Variants in SRP72 observed in about 807,000 individuals in gnomAD.
The protein encoded by SRP72 is signal recognition particle 72.
In SRP72, 49 loss-of-function variants were observed where a neutral mutation model predicts 96.3. The observed-to-expected ratio is 0.51, with a 90% CI of 0.40 to 0.65. The LOEUF (loss-of-function observed/expected upper bound fraction) is 0.65, where lower values mean the gene tolerates loss of function less well. Among genes scored for constraint, SRP72 ranks in the 30% least tolerant of loss-of-function variants. The probability of loss-of-function intolerance (pLI) is 0.00; values close to 1 mark genes in which losing one functional copy is unlikely to be tolerated. For missense variants in SRP72, 736 were observed against 793.3 expected (o/e 0.93, Z 0.87); for synonymous variants, 267 against 275.2 (o/e 0.97, Z 0.30).
At position 56,469,863 on chromosome 4, in the gene SRP72, A is replaced by AT. The variant is rs1007300003; in HGVS notation, c.230+98dup. 241 of 1,244,372 alleles carry AT rather than the reference A, an allele frequency of 1.9e-4. No homozygotes were observed. In the East Asian group the frequency reaches 3.1e-3, roughly 16 times the overall value. The allele number at this position is 1,244,372 out of a possible 1,614,324, so 77.1% of individuals were successfully genotyped here. A position where few individuals can be genotyped will look rare whatever the true frequency, so the allele number is the denominator to read the frequency against. On this transcript the variant is annotated intron_variant, in intron 2 of 18. Coordinates refer to ENST00000642900, the MANE Select transcript of SRP72 (RefSeq NM_006947.4). ...CATGTTTTTTCCCAACTATTTGCTGATTTTTTTTAACGTTTTTTTCCTTCC... is the reference window on the plus strand; with the variant it reads ...CATGTTTTTTCCCAACTATTTGCTGATTTTTTTTTAACGTTTTTTTCCTTCC...
intron 17 of SRP72, among the ~76,000 whole-genome samples, chr4:56,496,590 TA>T (rs989858138): frequency 6.6e-6 from 1 of 152,242 alleles, no homozygotes; most frequent in African/African-American, 2.4e-5. Flanking sequence ...TCCAGATGAA[TA>T]TTTTTTTAAA....
rs368800329 is a variant in SRP72, at chr4:56,478,153, TC to T, written c.643-225del. Among the ~76,000 whole-genome samples the T allele has an allele frequency of 0.072, 10,654 of 148,314 alleles. 344 individuals are homozygous for T. Among genetic ancestry groups the T allele is most frequent in the Admixed American group, 0.11 (1,652 of 14,688 alleles). On this transcript the variant is annotated intron_variant, in intron 6 of 18. Transcript: ENST00000642900. Reference sequence around the variant, plus strand: ...GTTCTTCTAGGATCTTTTTGCCTTTTCTTTTTTTTTTTTTTTTCTTTAGATA... The same window carrying T: ...GTTCTTCTAGGATCTTTTTGCCTTTTTTTTTTTTTTTTTTTTCTTTAGATA...
At chr4:56,490,242 G>T in intron 13 of SRP72, 91 bp from the exon 14 acceptor site, 4 of 919,608 alleles carry the variant, frequency 4.3e-6, no homozygotes, top group South Asian at 1.7e-5. Flanking sequence ...TAATGCATAG[G>T]TGTATTTCTT....
chr4:56,467,766 G>A lies in SRP72; in HGVS notation c.109+22G>A, dbSNP rs1488096166. The A allele has an allele frequency of 1.3e-5, 18 of 1,429,810 alleles. 1 individual carries two copies. Among genetic ancestry groups the A allele is most frequent in the Non-Finnish European group, 1.7e-5 (18 of 1,074,560 alleles). 88.6% of individuals were successfully genotyped at this position (1,429,810 alleles called of 1,614,324 possible). ...AAGAGTAAGTGTCGGGGTGGGCACT[G>A]GGGCGGGCCCAGGCCGGCTGGAGGA... On this transcript the variant is annotated intron_variant, in intron 1 of 18. Transcript: ENST00000642900.
rs756970749 is a variant in SRP72, at chr4:56,500,516, T to G, written c.1679-20T>G. ...AAAATATTATGACACATCTCTCATT[T>G]CTTTATAATCGTTATGCAGGAAAAT... On this transcript the variant is annotated intron_variant, in intron 17 of 18. Coordinates refer to ENST00000642900, the MANE Select transcript of SRP72 (RefSeq NM_006947.4). 6.2e-7 allele frequency: 1 copy of G among 1,608,182 alleles called. No homozygotes were observed. The highest frequency in any genetic ancestry group is 1.1e-5 in the South Asian group (1 of 90,522).
At chr4:56,495,703 C>T (rs73240553) in intron 17 of SRP72, among the ~76,000 whole-genome samples, 294 of 152,228 alleles carry the variant, frequency 1.9e-3, no homozygotes, top group Non-Finnish European at 3.0e-3. Flanking sequence ...TTAGATACTA[C>T]ATGTAAAGTT....
At chr4:56,490,757 TC>T in intron 15 of SRP72, 112 bp downstream of exon 15, 1 of 888,576 alleles carries the variant, frequency 1.1e-6, no homozygotes. Context: ...TAACAAATCC[TC>T]CTTTTAACTA....
chr4:56,485,944 T>C (rs914257266), intron 10 of SRP72, among the ~76,000 whole-genome samples: 1 of 152,174 alleles, frequency 6.6e-6, no homozygotes, highest in Non-Finnish European at 1.5e-5. Context: ...ATAAGTAACC[T>C]AGCAATGATT....
At chr4:56,501,645 T>C (rs751638977) in intron 18 of SRP72, 39 bp from the exon 19 acceptor site, 23 of 1,576,570 alleles carry the variant, frequency 1.5e-5, no homozygotes, top group Non-Finnish European at 1.9e-5. Flanking sequence ...CTTCCTTCGT[T>C]GAATATATGA....
chr4:56,490,836 G>A (rs1720882277), intron 15 of SRP72, among the ~76,000 whole-genome samples, 191 bp downstream of exon 15: 1 of 152,086 alleles, frequency 6.6e-6, no homozygotes, highest in African/African-American at 2.4e-5. Context: ...TCCAACTTAG[G>A]GTTCAGTTTC....
At position 56,479,739 on chromosome 4, in the gene SRP72, C is replaced by T. The variant is rs371657335; in HGVS notation, c.825+1090C>T. Among the ~76,000 whole-genome samples the T allele has an allele frequency of 2.0e-5, 3 of 152,186 alleles. No individual in the cohort carries two copies. The South Asian group carries it at 6.2e-4, about 32-fold the overall frequency. ...TCAACAAATCCTCCTGCCTCAGCCT[C>T]CCAAATTGCTGGGATTCCAGGGGTG... On this transcript the variant is annotated intron_variant, in intron 8 of 18. Coordinates refer to ENST00000642900, the MANE Select transcript of SRP72 (RefSeq NM_006947.4).
chr4:56,501,809 C>G lies in SRP72; in HGVS notation c.1964C>G (p.Thr655Arg). ...RHQKPAGAPA[T>R]KKKQQQKKKK... is the part of the protein sequence containing the mutation. The stretch of plus-strand genomic sequence containing the variant: ...CAGAAACCTGCAGGGGCTCCAGCAA[C>G]AAAAAAGAAACAGCAACAGAAAAAG... Residue 655 changes from threonine (T) to arginine (R), a missense_variant, in exon 19 of 19, where the codon ACA becomes AGA. Coordinates refer to ENST00000642900, the MANE Select transcript of SRP72 (RefSeq NM_006947.4). 1 of 1,613,732 alleles carries G rather than the reference C, an allele frequency of 6.2e-7. No individual in the cohort carries two copies. Among genetic ancestry groups the G allele is most frequent in the Non-Finnish European group, 8.5e-7 (1 of 1,179,910 alleles).
At chr4:56,490,500 GTTAC>G in intron 14 of SRP72, 64 bp downstream of exon 14, 1 of 1,595,750 alleles carries the variant, frequency 6.3e-7, no homozygotes, top group South Asian at 1.1e-5. Context: ...ATATGAGGGA[GTTAC>G]TTGTTTATAT....
At chr4:56,481,984 G>A (rs1398527072) in intron 8 of SRP72, among the ~76,000 whole-genome samples, 3 of 150,802 alleles carry the variant, frequency 2.0e-5, no homozygotes, top group African/African-American at 4.9e-5. Context: ...GGCTGGTCCC[G>A]AACTCCTGGC....
At chr4:56,474,634 C>A (rs1720134263) in intron 5 of SRP72, 2 of 535,846 alleles carry the variant, frequency 3.7e-6, no homozygotes, top group Non-Finnish European at 6.6e-6. Flanking sequence ...ACCTCTGTCT[C>A]CCGAGTTCAA....
At chr4:56,483,393 T>C (rs140671379) in intron 9 of SRP72, 123 bp downstream of exon 9, 1 of 985,762 alleles carries the variant, frequency 1.0e-6, no homozygotes, top group South Asian at 1.6e-5. Context: ...CTCATAAATA[T>C]ATTTTTTTGC....
At chr4:56,495,283 T>C (rs1434383944) in intron 16 of SRP72, 74 bp from the exon 17 acceptor site, 12 of 1,044,638 alleles carry the variant, frequency 1.1e-5, no homozygotes, top group Non-Finnish European at 1.5e-5. Context: ...CAACTAACTC[T>C]TATAGAGCAC....
chr4:56,491,466 C>T lies in SRP72; in HGVS notation c.1538C>T (p.Ser513Phe). 6.2e-7 allele frequency: 1 copy of T among 1,613,934 alleles called. No individual in the cohort carries two copies. The highest frequency in any genetic ancestry group is 8.5e-7 in the Non-Finnish European group (1 of 1,179,920). ...CACTTGCCATCGTCAGATAGTATGT[C>T]TCTAAAAGTAGATGTTGAGGCTCTT... ...SKHLPSSDSM[S>F]LKVDVEALEN... Residue 513 changes from serine (S) to phenylalanine (F), a missense_variant, in exon 16 of 19, where the codon TCT becomes TTT. Ser to Phe is a radical substitution (Grantham distance 155). Coordinates refer to ENST00000642900, the MANE Select transcript of SRP72 (RefSeq NM_006947.4).
Position 56,483,273 on chromosome 4 carries a change from G to T in SRP72, c.957+3G>T. ...TACTTGCTATGTACACAAACCAGGT[G>T]GGTAATTACCTTTGGTGTCATGGCT... On this transcript the variant is annotated splice_donor_region_variant and intron_variant, in intron 9 of 18. Coordinates refer to ENST00000642900, the MANE Select transcript of SRP72 (RefSeq NM_006947.4). The T allele has an allele frequency of 6.2e-7, 1 of 1,612,026 alleles. No individual in the cohort carries two copies. Among genetic ancestry groups the T allele is most frequent in the South Asian group, 1.1e-5 (1 of 90,734 alleles).
Sources: allele counts gnomAD v4.1 joint callset (sites outside exome capture counted in the v4.1 genomes callset), GRCh38; gene constraint gnomAD v4.1.1; transcripts MANE v1.5; gene names NCBI Gene and HGNC (gene_info 2026-07-23, HGNC 2026-07-21).